DYRK1A: variants seen among roughly 807,000 people sequenced by gnomAD.
DYRK1A encodes dual specificity tyrosine phosphorylation regulated kinase 1A.
Under a neutral mutation model 79.7 loss-of-function variants are expected in DYRK1A, and 9 were observed. That is an observed-to-expected ratio of 0.11 (90% CI 0.07 to 0.20). DYRK1A has a LOEUF of 0.20. Ranked by LOEUF, DYRK1A falls within the 10% of genes least tolerant of loss-of-function variation. DYRK1A has a pLI of 1.00. For missense variants in DYRK1A, 622 were observed against 956.0 expected, an observed-to-expected ratio of 0.65 and a Z score of 4.61; for synonymous variants, 349 against 329.7, an observed-to-expected ratio of 1.06 and a Z score of -0.63.
intron 2 of DYRK1A, among the ~76,000 whole-genome samples, chr21:37,422,284 A>T (rs2050497082): frequency 6.6e-6 from 1 of 152,204 alleles, no homozygotes; most frequent in African/African-American, 2.4e-5. Flanking sequence ...TTTGAAAGTT[A>T]ACAATTGTTT....
chr21:37,496,685 A>T (rs1289287320), intron 9 of DYRK1A, among the ~76,000 whole-genome samples: 1 of 152,018 alleles, frequency 6.6e-6, no homozygotes. Flanking sequence ...TTATGTCAGA[A>T]GATGATTTTT....
chr21:37,525,936 C>G lies in DYRK1A; in HGVS notation c.*13405C>G, dbSNP rs1364828332. ...AACACTGAATAGTTTTGGAAATTCA[C>G]TTTTGCTGCAGACTTGATAGTGTTT... On this transcript the variant is annotated 3_prime_UTR_variant, in exon 12 of 12. Transcript: ENST00000647188. 6.6e-6 allele frequency: 1 copy of G among 152,216 alleles called. No individual in the cohort carries two copies. The highest frequency in any genetic ancestry group is 1.5e-5 in the Non-Finnish European group (1 of 68,044). The allele number at this position is 152,216 out of a possible 1,614,324, so 9.4% of individuals were successfully genotyped here. A position where few individuals can be genotyped will look rare whatever the true frequency, so the allele number is the denominator to read the frequency against.
At chr21:37,479,640 G>T (rs2052563813) in intron 4 of DYRK1A, among the ~76,000 whole-genome samples, 1 of 23,260 alleles carries the variant, frequency 4.3e-5, no homozygotes, top group Non-Finnish European at 8.5e-5. Context: ...TTTTTTTGGA[G>T]ACAGAGTCTC....
intron 9 of DYRK1A, among the ~76,000 whole-genome samples, chr21:37,500,107 G>A (rs1222851206): frequency 6.6e-6 from 1 of 152,152 alleles, no homozygotes; most frequent in African/African-American, 2.4e-5. Flanking sequence ...AAATTTGATA[G>A]GGCTTTGTAC....
intron 1 of DYRK1A, chr21:37,418,995 A>G (rs2050411705): frequency 1.3e-5 from 2 of 152,206 alleles, no homozygotes; most frequent in South Asian, 4.1e-4. Context: ...CTTTTAAAGA[A>G]CCTGGGAGTT....
At chr21:37,479,777 G>A (rs530096960) in intron 4 of DYRK1A, among the ~76,000 whole-genome samples, 8 of 151,690 alleles carry the variant, frequency 5.3e-5, no homozygotes, top group South Asian at 2.1e-4. Context: ...ACAGGTGCCC[G>A]CCACCATGCC....
rs2053821366 is a variant in DYRK1A at position 37,513,557 on chromosome 21, G to A, written c.*1026G>A. The A allele has an allele frequency of 6.6e-6, 1 of 152,616 alleles. No individual in the cohort carries two copies. Among genetic ancestry groups the A allele is most frequent in the South Asian group, 2.1e-4 (1 of 4,826 alleles). The allele number at this position is 152,616 out of a possible 1,614,324, so 9.5% of individuals were successfully genotyped here. On this transcript the variant is annotated 3_prime_UTR_variant, in exon 12 of 12. Coordinates refer to ENST00000647188, the MANE Select transcript of DYRK1A (RefSeq NM_001347721.2). Reference sequence around the variant, plus strand: ...AAGGTCACTTTGCGTGTGTCATAAAGTTGACTTCCTTATTGGTTGAAGGTC... The same window carrying A: ...AAGGTCACTTTGCGTGTGTCATAAAATTGACTTCCTTATTGGTTGAAGGTC...
intron 1 of DYRK1A, among the ~76,000 whole-genome samples, chr21:37,371,880 C>T (rs190093405): frequency 4.1e-4 from 63 of 152,208 alleles, no homozygotes; most frequent in Admixed American, 2.7e-3. Context: ...CATTAAATAA[C>T]CCCCTAATTT....
In DYRK1A at chr21:37,512,396, A is replaced by T. The variant is rs759397951; in HGVS notation, c.2130A>T (p.Thr710=). ...RQETGIAGHP[T]YQFSANTGPA... ...AGACTGGCATAGCTGGACATCCAACATACCAATTTTCTGCTAATACAGGTC... is the reference window on the plus strand; with the variant it reads ...AGACTGGCATAGCTGGACATCCAACTTACCAATTTTCTGCTAATACAGGTC... The change falls in exon 12 of 12, where the codon ACA becomes ACT. Residue 710 remains threonine, a synonymous_variant. Coordinates refer to ENST00000647188, the MANE Select transcript of DYRK1A (RefSeq NM_001347721.2). 2 of 1,614,102 alleles carry T rather than the reference A, an allele frequency of 1.2e-6. No individual in the cohort carries two copies. Among genetic ancestry groups the T allele is most frequent in the Admixed American group, 1.7e-5 (1 of 60,010 alleles).
At chr21:37,424,740 G>C (rs1319589277) in intron 2 of DYRK1A, among the ~76,000 whole-genome samples, 1 of 152,080 alleles carries the variant, frequency 6.6e-6, no homozygotes, top group Non-Finnish European at 1.5e-5. Context: ...GTTTTTTAAA[G>C]CACTAATACC....
intron 1 of DYRK1A, among the ~76,000 whole-genome samples, chr21:37,369,451 C>T (rs2049385878): frequency 6.6e-6 from 1 of 152,232 alleles, no homozygotes. Flanking sequence ...TATCCCAGTA[C>T]TTTGGAGGAT....
chr21:37,435,009 C>A (rs966282315), intron 2 of DYRK1A, among the ~76,000 whole-genome samples: 4 of 152,312 alleles, frequency 2.6e-5, no homozygotes, highest in Admixed American at 2.0e-4. Context: ...GTTAAAATTA[C>A]AACAAATGCA....
intron 5 of DYRK1A, among the ~76,000 whole-genome samples, chr21:37,482,675 C>T (rs920925001): frequency 3.3e-5 from 5 of 152,036 alleles, no homozygotes; most frequent in South Asian, 4.1e-4. Context: ...ATTTATTAGG[C>T]GGGAATTTCC....
At position 37,518,520 on chromosome 21, in the gene DYRK1A, T is replaced by G. The variant is rs1341751160; in HGVS notation, c.*5989T>G. The G allele has an allele frequency of 6.6e-6, 1 of 152,164 alleles. No homozygotes were observed. 9.4% of individuals were successfully genotyped at this position (152,164 alleles called of 1,614,324 possible). The stretch of plus-strand genomic sequence containing the variant: ...TGGGGTGGGGCCTGGAGCTCTGTTT[T>G]CTGAAACTTTGCGGGCCATTCTGAA... On this transcript the variant is annotated 3_prime_UTR_variant, in exon 12 of 12. Coordinates refer to ENST00000647188, the MANE Select transcript of DYRK1A (RefSeq NM_001347721.2).
chr21:37,438,894 A>G (rs1428870582), intron 2 of DYRK1A, among the ~76,000 whole-genome samples: 2 of 152,056 alleles, frequency 1.3e-5, no homozygotes, highest in Non-Finnish European at 2.9e-5. Context: ...TGTGTTGAAT[A>G]TATAGATAAT....
intron 2 of DYRK1A, among the ~76,000 whole-genome samples, chr21:37,455,860 A>G (rs753465968): frequency 2.6e-5 from 4 of 152,178 alleles, no homozygotes; most frequent in Non-Finnish European, 5.9e-5. Context: ...CATTCTGCAG[A>G]TGGAAAGGGA....
intron 6 of DYRK1A, 58 bp from the exon 7 acceptor site, chr21:37,490,117 T>G: frequency 6.7e-7 from 1 of 1,482,840 alleles, no homozygotes; most frequent in Non-Finnish European, 9.2e-7. Context: ...GTGCATGTGT[T>G]TGTTACTCTC....
At chr21:37,453,120 G>C (rs2051513248) in intron 2 of DYRK1A, among the ~76,000 whole-genome samples, 1 of 151,676 alleles carries the variant, frequency 6.6e-6, no homozygotes, top group Non-Finnish European at 1.5e-5. Context: ...TCTTTAAAAA[G>C]AAAAAAGTAC....
chr21:37,420,462 G>T lies in DYRK1A; in HGVS notation c.10+78G>T, dbSNP rs1017681013. The T allele has an allele frequency of 1.1e-4, 158 of 1,473,050 alleles. 2 individuals are homozygous for T. In the African/African-American group the frequency reaches 1.7e-3, roughly 16 times the overall value. 91.2% of individuals were successfully genotyped at this position (1,473,050 alleles called of 1,614,324 possible). ...CGATGGTCTATTTTGAATGGGGGAGGTTTCTGATAAATAGCAGTTAGTGGG... is the reference window on the plus strand; with the variant it reads ...CGATGGTCTATTTTGAATGGGGGAGTTTTCTGATAAATAGCAGTTAGTGGG... On this transcript the variant is annotated intron_variant, in intron 2 of 11. Transcript: ENST00000647188.
Sources: allele counts gnomAD v4.1 joint callset (sites outside exome capture counted in the v4.1 genomes callset), GRCh38; gene constraint gnomAD v4.1.1; transcripts MANE v1.5; gene names NCBI Gene and HGNC (gene_info 2026-07-23, HGNC 2026-07-21).